Variants in GAB3 observed in about 807,000 individuals in gnomAD.
The protein encoded by GAB3 is GRB2-associated-binding protein 3.
Under a neutral mutation model 40.4 loss-of-function variants are expected in GAB3, and 12 were observed. The ratio of observed to expected loss-of-function variants is 0.30; its 90% CI spans 0.19 to 0.48. GAB3 has a LOEUF of 0.48. GAB3 is among the 20% of genes least tolerant of loss of function. The probability of loss-of-function intolerance (pLI) is 0.99; values close to 1 mark genes in which losing one functional copy is unlikely to be tolerated. For missense variants in GAB3, 381 were observed against 461.9 expected, an observed-to-expected ratio of 0.82 and a Z score of 1.61; for synonymous variants, 154 against 176.7, an observed-to-expected ratio of 0.87 and a Z score of 1.02.
intron 1 of GAB3, among the ~76,000 whole-genome samples, chrX:154,723,375 A>C (rs1369172650): frequency 9.0e-6 from 1 of 111,722 alleles, no homozygotes; most frequent in Non-Finnish European, 1.9e-5. Context: ...GTTTATGCTC[A>C]ATGTCCAGCA....
At chrX:154,734,113 G>A (rs1226922960) in intron 1 of GAB3, among the ~76,000 whole-genome samples, 3 of 112,456 alleles carry the variant, frequency 2.7e-5, no homozygotes, top group African/African-American at 9.7e-5. Flanking sequence ...CTAAACCACT[G>A]ATTTCTTGTT....
chrX:154,711,515 T>C (rs60001847), intron 4 of GAB3, among the ~76,000 whole-genome samples: 7,155 of 111,356 alleles, frequency 0.064, 576 homozygotes, highest in African/African-American at 0.22. Flanking sequence ...AAGATGGAAC[T>C]GCAAGCAGAA....
At position 154,682,769 on chromosome X, in the gene GAB3, G is replaced by A. The variant is rs782322643; in HGVS notation, c.1531-2521C>T. 3.6e-5 allele frequency among the ~76,000 whole-genome samples: 4 copies of A among 111,078 alleles called. No individual in the cohort carries two copies. The Admixed American group carries it at 3.8e-4, about 11-fold the overall frequency. ...GAGGCGAGCGGATCACTTGGGGTCA[G>A]GAGTTCAAGACCAGCCTGGCCAACA... is the stretch of plus-strand genomic sequence containing the variant. On this transcript the variant is annotated intron_variant, in intron 8 of 9. Coordinates refer to ENST00000424127, the MANE Select transcript of GAB3 (RefSeq NM_001081573.3).
chrX:154,738,210 T>C (rs1458835942), intron 1 of GAB3, among the ~76,000 whole-genome samples: 1 of 111,730 alleles, frequency 9.0e-6, no homozygotes, highest in Non-Finnish European at 1.9e-5. Flanking sequence ...ACAAAGCTAA[T>C]GGAATCTCCA....
chrX:154,750,559 C>G (rs1437030953), intron 1 of GAB3, among the ~76,000 whole-genome samples: 4 of 112,410 alleles, frequency 3.6e-5, no homozygotes, highest in Non-Finnish European at 5.6e-5. Flanking sequence ...CTCCCTATCC[C>G]CTGCCGCGTC....
At position 154,677,874 on chromosome X, in the gene GAB3, C is replaced by T. The variant is rs1040612040; in HGVS notation, c.*304G>A. Reference sequence around the variant, plus strand: ...CAGAATTTCAGGTATTGGAGTCAAACGATAAAATCCTGTTGGTGGCAACAC... The same window carrying T: ...CAGAATTTCAGGTATTGGAGTCAAATGATAAAATCCTGTTGGTGGCAACAC... On this transcript the variant is annotated 3_prime_UTR_variant, in exon 10 of 10. Transcript: ENST00000424127. 7 of 290,419 alleles carry T rather than the reference C, an allele frequency of 2.4e-5. No individual in the cohort carries two copies. Among genetic ancestry groups the T allele is most frequent in the Non-Finnish European group, 3.6e-5 (6 of 167,801 alleles). 23.9% of individuals were successfully genotyped at this position (290,419 alleles called of 1,213,427 possible). A position where few individuals can be genotyped will look rare whatever the true frequency, so the allele number is the denominator to read the frequency against.
intron 4 of GAB3, among the ~76,000 whole-genome samples, chrX:154,711,892 C>T (rs2070954114): frequency 8.9e-6 from 1 of 112,046 alleles, no homozygotes; most frequent in Admixed American, 9.4e-5. Context: ...GGGTTCCAAC[C>T]TATTGCAGCA....
At chrX:154,683,741 C>A (rs2070408794) in intron 8 of GAB3, among the ~76,000 whole-genome samples, 2 of 111,410 alleles carry the variant, frequency 1.8e-5, no homozygotes, top group Admixed American at 9.6e-5. Flanking sequence ...TCTTGTAAGT[C>A]ATTTACTACA....
intron 4 of GAB3, among the ~76,000 whole-genome samples, chrX:154,711,231 GAGAA>G (rs2070939325): frequency 8.9e-6 from 1 of 111,867 alleles, no homozygotes; most frequent in Non-Finnish European, 1.9e-5. Context: ...TCAATGGAGA[GAGAA>G]AGAAAGAGAG....
chrX:154,731,572 T>C (rs1000561373), intron 1 of GAB3, among the ~76,000 whole-genome samples: 21 of 111,616 alleles, frequency 1.9e-4, no homozygotes, highest in Non-Finnish European at 3.8e-4. Context: ...ATTAAAATGG[T>C]CAATATTATG....
intron 1 of GAB3, among the ~76,000 whole-genome samples, chrX:154,747,951 C>T (rs2148498326): frequency 8.9e-6 from 1 of 111,985 alleles, no homozygotes; most frequent in South Asian, 3.7e-4. Flanking sequence ...GAACCTATAT[C>T]CAGGGACAAA....
chrX:154,714,918 A>G (rs2071022252), intron 2 of GAB3, among the ~76,000 whole-genome samples: 1 of 112,357 alleles, frequency 8.9e-6, no homozygotes, highest in South Asian at 3.7e-4. Context: ...TGCTTTTCCA[A>G]TTAAGTTTTG....
upstream of GAB3, chrX:154,751,232 C>T: frequency 5.2e-6 from 1 of 191,259 alleles, no homozygotes; most frequent in Non-Finnish European, 7.4e-6. Context: ...AAGCAAGCAG[C>T]GAAGCCTGGG....
chrX:154,697,180 G>A lies in GAB3; in HGVS notation c.1379C>T (p.Ser460Leu), dbSNP rs782568264. 12 of 1,196,043 alleles carry A rather than the reference G, an allele frequency of 1.0e-5. No individual in the cohort carries two copies. Among genetic ancestry groups the A allele is most frequent in the Non-Finnish European group, 1.2e-5 (11 of 888,268 alleles). Reference sequence around the variant, plus strand: ...AAGAGATGCATGTTCCCGGATGATCGAGAGGTTTCTCAGGTCCAGAGGAGG... The same window carrying A: ...AAGAGATGCATGTTCCCGGATGATCAAGAGGTTTCTCAGGTCCAGAGGAGG... ...RPPPLDLRNLSIIREHASLTR... is the reference protein window; with the variant it reads ...RPPPLDLRNLLIIREHASLTR... The change falls in exon 7 of 10, where the codon TCG (serine) becomes TTG (leucine). Residue 460 changes from serine to leucine, a missense_variant. Coordinates refer to ENST00000424127, the MANE Select transcript of GAB3 (RefSeq NM_001081573.3).
rs1434382138 is a variant in GAB3, at chrX:154,678,112, A to G, written c.*66T>C. ...TGTTTTTAGTGGACAAAAAAAAAAAAAAAAGAAAAAACTCAAACTGAGCCC... is the reference window on the plus strand; with the variant it reads ...TGTTTTTAGTGGACAAAAAAAAAAAGAAAAGAAAAAACTCAAACTGAGCCC... On this transcript the variant is annotated 3_prime_UTR_variant, in exon 10 of 10. Transcript: ENST00000424127. 5 of 583,419 alleles carry G rather than the reference A, an allele frequency of 8.6e-6. No homozygotes were observed. In the East Asian group the frequency reaches 1.7e-4, roughly 20 times the overall value. 48.1% of individuals were successfully genotyped at this position (583,419 alleles called of 1,213,427 possible). A position where few individuals can be genotyped will look rare whatever the true frequency, so the allele number is the denominator to read the frequency against.
rs191512484 is a variant in GAB3, at chrX:154,690,489, A to C, written c.1530+5428T>G. 6.9e-3 allele frequency among the ~76,000 whole-genome samples: 774 copies of C among 111,989 alleles called. 5 individuals are homozygous for C. Among genetic ancestry groups the C allele is most frequent in the African/African-American group, 0.024 (725 of 30,777 alleles). ...ATCAGAGTGAACAGGCAACCTACAA[A>C]ATGGGAGAAAACTTTCGCAACCTAC... On this transcript the variant is annotated intron_variant, in intron 8 of 9. Transcript: ENST00000424127.
At chrX:154,708,324 G>A (rs939414669) in intron 4 of GAB3, among the ~76,000 whole-genome samples, 1 of 112,151 alleles carries the variant, frequency 8.9e-6, no homozygotes, top group Non-Finnish European at 1.9e-5. Context: ...GATTGACAAT[G>A]ATATTTTGGA....
intron 1 of GAB3, among the ~76,000 whole-genome samples, chrX:154,727,092 A>C (rs1201519982): frequency 1.8e-5 from 2 of 112,234 alleles, no homozygotes; most frequent in African/African-American, 6.5e-5. Context: ...CTTCCCAATA[A>C]ATTAATAACA....
At chrX:154,703,177 T>C (rs186676380) in intron 4 of GAB3, among the ~76,000 whole-genome samples, 2 of 112,108 alleles carry the variant, frequency 1.8e-5, no homozygotes, top group East Asian at 2.8e-4. Flanking sequence ...TATAAATCAT[T>C]CTAACATAAA....
Sources: gnomAD v4.1 joint callset for allele counts (sites outside exome capture counted in the v4.1 genomes callset) on GRCh38, gnomAD v4.1.1 for gene constraint, MANE v1.5 for transcripts, NCBI Gene and HGNC (gene_info 2026-07-23, HGNC 2026-07-21) for gene names.